Variants in GPRIN3 observed in about 807,000 individuals in gnomAD.
The protein encoded by GPRIN3 is GPRIN family member 3.
Under a neutral mutation model 13.7 loss-of-function variants are expected in GPRIN3, and 12 were observed. The ratio of observed to expected loss-of-function variants is 0.87; its 90% confidence interval spans 0.56 to 1.42. The LOEUF is 1.42. Ranked by LOEUF, GPRIN3 falls within the 40% of genes most tolerant of loss-of-function variation. The pLI is 0.00. For synonymous variants in GPRIN3, 377 were observed against 372.7 expected (o/e 1.01, Z -0.13); for missense variants, 1,009 against 958.7 (o/e 1.05, Z -0.69).
chr4:89,264,657 G>A (rs1197342274), intron 1 of GPRIN3, among the ~76,000 whole-genome samples: 2 of 152,044 alleles, frequency 1.3e-5, no homozygotes, highest in Non-Finnish European at 2.9e-5. Context: ...CAGAATAAGG[G>A]GCAAGATTAG....
At chr4:89,271,819 C>A (rs1379331959) in intron 1 of GPRIN3, among the ~76,000 whole-genome samples, 1 of 152,106 alleles carries the variant, frequency 6.6e-6, no homozygotes, top group Non-Finnish European at 1.5e-5. Flanking sequence ...AGAACTTGCT[C>A]TCTGCTACAG....
chr4:89,284,486 A>G (rs542764645), intron 1 of GPRIN3, among the ~76,000 whole-genome samples: 35 of 152,310 alleles, frequency 2.3e-4, no homozygotes, highest in African/African-American at 8.2e-4. Context: ...AGGAATGAAA[A>G]TAACACCTTC....
chr4:89,261,125 T>C (rs536636199), intron 1 of GPRIN3, among the ~76,000 whole-genome samples: 4 of 152,266 alleles, frequency 2.6e-5, no homozygotes, highest in African/African-American at 9.6e-5. Context: ...TTTAATATGA[T>C]CAAGAGGAGC....
chr4:89,307,009 C>A (rs963941045), intron 1 of GPRIN3, among the ~76,000 whole-genome samples: 20 of 152,050 alleles, frequency 1.3e-4, no homozygotes, highest in Non-Finnish European at 1.9e-4. Flanking sequence ...CTTGAAAGAA[C>A]CGTTTATCAC....
At chr4:89,306,632 G>A (rs561226689) in intron 1 of GPRIN3, among the ~76,000 whole-genome samples, 1 of 152,220 alleles carries the variant, frequency 6.6e-6, no homozygotes, top group East Asian at 1.9e-4. Flanking sequence ...AAAGGTGGGT[G>A]CTTCTTGAGT....
Position 89,238,411 on chromosome 4 carries a change from C to T in GPRIN3, c.*9369G>A, listed in dbSNP as rs181047457. ...ACTGCAGGATCCCAGTTTATCTTCT[C>T]AGGAGTAGGCAGAAAGGCTGGAGCT... On this transcript the variant is annotated 3_prime_UTR_variant, in exon 2 of 2. Coordinates refer to ENST00000609438, the MANE Select transcript of GPRIN3 (RefSeq NM_198281.3). 6.6e-6 allele frequency: 1 copy of T among 152,298 alleles called. No homozygotes were observed. The highest frequency in any genetic ancestry group is 2.4e-5 in the African/African-American group (1 of 41,536). The allele number at this position is 152,298 out of a possible 1,614,324, so 9.4% of individuals were successfully genotyped here.
At chr4:89,300,773 T>C (rs1303436895) in intron 1 of GPRIN3, among the ~76,000 whole-genome samples, 1 of 152,188 alleles carries the variant, frequency 6.6e-6, no homozygotes, top group Non-Finnish European at 1.5e-5. Context: ...TCAGAACATG[T>C]TCGACATGAA....
intron 1 of GPRIN3, among the ~76,000 whole-genome samples, chr4:89,288,237 G>GT (rs1255593466): frequency 2.0e-5 from 3 of 152,084 alleles, no homozygotes; most frequent in African/African-American, 7.2e-5. Flanking sequence ...CCAAAGAAAG[G>GT]TTTTTTGTTT....
At chr4:89,301,938 G>T (rs1003948593) in intron 1 of GPRIN3, among the ~76,000 whole-genome samples, 1 of 152,146 alleles carries the variant, frequency 6.6e-6, no homozygotes, top group East Asian at 1.9e-4. Context: ...GCTTCTGTAA[G>T]TGTCACAAAG....
At chr4:89,285,639 T>G (rs1455690154) in intron 1 of GPRIN3, among the ~76,000 whole-genome samples, 2 of 152,216 alleles carry the variant, frequency 1.3e-5, no homozygotes, top group African/African-American at 4.8e-5. Flanking sequence ...AACTTCCTGT[T>G]CTGTCACCCA....
rs142229735 is a variant in GPRIN3 at position 89,265,188 on chromosome 4, G to T, written c.-123-14955C>A. On this transcript the variant is annotated intron_variant, in intron 1 of 1. Coordinates refer to ENST00000609438, the MANE Select transcript of GPRIN3 (RefSeq NM_198281.3). ...TATAGTTCAAATGCTAAGCAATACTGCCACCATAATTATTATTATACTATT... is the reference window on the plus strand; with the variant it reads ...TATAGTTCAAATGCTAAGCAATACTTCCACCATAATTATTATTATACTATT... Among the ~76,000 whole-genome samples the T allele has an allele frequency of 6.7e-3, 1,018 of 152,144 alleles. 13 individuals are homozygous for T. Among genetic ancestry groups the T allele is most frequent in the African/African-American group, 0.024 (981 of 41,488 alleles).
chr4:89,248,574 C>T lies in GPRIN3; in HGVS notation c.1537G>A (p.Asp513Asn), dbSNP rs374802266. 1.1e-5 allele frequency: 18 copies of T among 1,613,342 alleles called. No homozygotes were observed. The highest frequency in any genetic ancestry group is 1.7e-5 in the Admixed American group (1 of 59,998). ...GCTTTGCTGATAGAGCCACAAGAGT[C>T]AGATAGTTTGCAATCTGGGTCTGTT... ...HKTDPDCKLS[D>N]SCGSISKADH... Residue 513 changes from aspartate to asparagine, a missense_variant, in exon 2 of 2, where the codon GAC (aspartate) becomes AAC (asparagine). Coordinates refer to ENST00000609438, the MANE Select transcript of GPRIN3 (RefSeq NM_198281.3).
chr4:89,262,469 G>T (rs923162429), intron 1 of GPRIN3, among the ~76,000 whole-genome samples: 165 of 152,242 alleles, frequency 1.1e-3, no homozygotes, highest in African/African-American at 3.5e-3. Context: ...TAAAAAAAAT[G>T]TAAGGCCTGG....
intron 1 of GPRIN3, among the ~76,000 whole-genome samples, chr4:89,288,620 C>T (rs1724487835): frequency 6.6e-6 from 1 of 152,152 alleles, no homozygotes. Flanking sequence ...ATGAGAGTTT[C>T]AGAAAAACAA....
Position 89,237,769 on chromosome 4 carries a change from A to G in GPRIN3, c.*10011T>C, listed in dbSNP as rs775422651. ...ACAAAAGGCAAACCCTTCACAAGAA[A>G]CAAGAGGTATTTTGAGTTCACAATC... On this transcript the variant is annotated 3_prime_UTR_variant, in exon 2 of 2. Coordinates refer to ENST00000609438, the MANE Select transcript of GPRIN3 (RefSeq NM_198281.3). 4.6e-5 allele frequency: 7 copies of G among 152,342 alleles called. No homozygotes were observed. In the East Asian group the frequency reaches 1.4e-3, roughly 29 times the overall value. 9.4% of individuals were successfully genotyped at this position (152,342 alleles called of 1,614,324 possible).
At chr4:89,267,909 G>T (rs1450362985) in intron 1 of GPRIN3, among the ~76,000 whole-genome samples, 1 of 152,096 alleles carries the variant, frequency 6.6e-6, no homozygotes, top group East Asian at 1.9e-4. Context: ...CATAAGCAGA[G>T]GTATCATCAG....
Position 89,236,853 on chromosome 4 carries a change from G to A in GPRIN3, c.*10927C>T, listed in dbSNP as rs1157792058. The A allele has an allele frequency of 6.6e-6, 1 of 152,146 alleles. No homozygotes were observed. Among genetic ancestry groups the A allele is most frequent in the Admixed American group, 6.5e-5 (1 of 15,282 alleles). 9.4% of individuals were successfully genotyped at this position (152,146 alleles called of 1,614,324 possible). The stretch of plus-strand genomic sequence containing the variant: ...TGTATACATTATACCTCCTAAGGTT[G>A]AGACATAGATGGAAGTGCCCAGCAA... On this transcript the variant is annotated 3_prime_UTR_variant, in exon 2 of 2. Coordinates refer to ENST00000609438, the MANE Select transcript of GPRIN3 (RefSeq NM_198281.3).
At chr4:89,275,681 CA>C (rs1295745071) in intron 1 of GPRIN3, among the ~76,000 whole-genome samples, 4 of 152,314 alleles carry the variant, frequency 2.6e-5, no homozygotes, top group Admixed American at 2.6e-4. Context: ...ACCAGCCCTG[CA>C]AAGAGCTGCC....
At chr4:89,254,146 T>G (rs538982389) in intron 1 of GPRIN3, among the ~76,000 whole-genome samples, 3 of 152,032 alleles carry the variant, frequency 2.0e-5, no homozygotes, top group African/African-American at 7.2e-5. Context: ...TGTGTGTGTG[T>G]GTGTGGAGTG....
Sources: gnomAD v4.1 joint callset for allele counts (sites outside exome capture counted in the v4.1 genomes callset) on GRCh38, gnomAD v4.1.1 for gene constraint, MANE v1.5 for transcripts, NCBI Gene and HGNC (gene_info 2026-07-23, HGNC 2026-07-21) for gene names.